F13A1: variants seen among roughly 807,000 people sequenced by gnomAD.
The protein encoded by F13A1 is FSF, A subunit.
A neutral mutation model predicts 80.1 loss-of-function variants in F13A1; 47 were observed. That is an observed-to-expected ratio of 0.59 (90% CI 0.46 to 0.75). The LOEUF (loss-of-function observed/expected upper bound fraction) is 0.75. F13A1 is among the 30% of genes least tolerant of loss of function. The probability of loss-of-function intolerance (pLI) is 0.00; values close to 1 mark genes in which losing one functional copy is unlikely to be tolerated. For missense variants in F13A1, 817 were observed against 930.4 expected, an observed-to-expected ratio of 0.88 and a Z score of 1.59; for synonymous variants, 349 against 344.9, an observed-to-expected ratio of 1.01 and a Z score of -0.13.
intron 6 of F13A1, among the ~76,000 whole-genome samples, chr6:6,240,948 C>A (rs1362599205): frequency 6.6e-6 from 1 of 151,990 alleles, no homozygotes; most frequent in Non-Finnish European, 1.5e-5. Context: ...TAATTTAGTA[C>A]TTTACTCTGT....
At chr6:6,268,670 T>C (rs571056856) in intron 3 of F13A1, among the ~76,000 whole-genome samples, 2 of 151,454 alleles carry the variant, frequency 1.3e-5, no homozygotes, top group South Asian at 2.1e-4. Flanking sequence ...CAGTAGGGGC[T>C]GGCTGAGGGG....
At chr6:6,211,444 T>C (rs1304800093) in intron 8 of F13A1, among the ~76,000 whole-genome samples, 2 of 152,242 alleles carry the variant, frequency 1.3e-5, no homozygotes, top group Non-Finnish European at 2.9e-5. Flanking sequence ...AATTGGCAAC[T>C]GCAATGCATC....
chr6:6,255,294 T>G (rs1450343324), intron 4 of F13A1, among the ~76,000 whole-genome samples: 1 of 152,136 alleles, frequency 6.6e-6, no homozygotes, highest in East Asian at 1.9e-4. Context: ...TCTAAGTGCT[T>G]TATAACAAGA....
At chr6:6,244,038 T>C (rs989969810) in intron 6 of F13A1, among the ~76,000 whole-genome samples, 12 of 152,298 alleles carry the variant, frequency 7.9e-5, no homozygotes, top group African/African-American at 2.6e-4. Flanking sequence ...AGCCTTCCCT[T>C]TTCCCCAGAA....
intron 8 of F13A1, among the ~76,000 whole-genome samples, chr6:6,201,426 G>T (rs114470685): frequency 0.011 from 1,699 of 152,272 alleles, 36 homozygotes; most frequent in African/African-American, 0.038. Flanking sequence ...TCCCAGTAGG[G>T]CTGGGCCTCC....
At chr6:6,231,889 C>T (rs1050431918) in intron 6 of F13A1, among the ~76,000 whole-genome samples, 1 of 152,238 alleles carries the variant, frequency 6.6e-6, no homozygotes, top group East Asian at 1.9e-4. Flanking sequence ...AGATAATTCA[C>T]CATTACCAAG....
At chr6:6,194,667 T>A (rs1383681254) in intron 10 of F13A1, among the ~76,000 whole-genome samples, 2 of 152,220 alleles carry the variant, frequency 1.3e-5, no homozygotes, top group Non-Finnish European at 2.9e-5. Context: ...CAAGTATTGT[T>A]GTTATTTCAT....
intron 3 of F13A1, among the ~76,000 whole-genome samples, chr6:6,293,433 C>T (rs1371777644): frequency 6.6e-6 from 1 of 152,006 alleles, no homozygotes; most frequent in African/African-American, 2.4e-5. Context: ...GTCGAGGCTG[C>T]AGGCTCAGAG....
In F13A1 at chr6:6,297,923, G is replaced by T. The variant is rs1020414140; in HGVS notation, c.319+7428C>A. On this transcript the variant is annotated intron_variant, in intron 3 of 14. Transcript: ENST00000264870. ...TCCCTCTACACACTGCTTTGAATGCGTCCCTGAGATTCTGGTGTGTTGTGT... is the reference window on the plus strand; with the variant it reads ...TCCCTCTACACACTGCTTTGAATGCTTCCCTGAGATTCTGGTGTGTTGTGT... 2.0e-5 allele frequency among the ~76,000 whole-genome samples: 3 copies of T among 149,734 alleles called. 1 individual carries two copies. The highest frequency in any genetic ancestry group is 5.1e-5 in the African/African-American group (2 of 39,262).
intron 8 of F13A1, among the ~76,000 whole-genome samples, chr6:6,205,933 T>A (rs889811981): frequency 6.6e-6 from 1 of 152,238 alleles, no homozygotes; most frequent in Admixed American, 6.5e-5. Context: ...TTCCCTTTGC[T>A]GGGTTCATTT....
rs374113663 is a variant in F13A1, at chr6:6,313,984, C to CACTT, written c.130+4550_130+4551insAAGT. ...TCTCCTGTTCTCCATTTTCTCCTTA[C>CACTT]TCTTTTTTTTTTTTGAAACGGAGTC... On this transcript the variant is annotated intron_variant, in intron 2 of 14. Transcript: ENST00000264870. Among the ~76,000 whole-genome samples, 19 of 139,344 alleles carry CACTT rather than the reference C, an allele frequency of 1.4e-4. 1 individual carries two copies. Among genetic ancestry groups the CACTT allele is most frequent in the African/African-American group, 1.6e-4 (6 of 36,404 alleles). 91.4% of individuals were successfully genotyped at this position (139,344 alleles called of 152,430 possible).
chr6:6,193,551 C>G (rs557119110), intron 10 of F13A1, among the ~76,000 whole-genome samples: 1 of 152,304 alleles, frequency 6.6e-6, no homozygotes, highest in East Asian at 1.9e-4. Context: ...GGAGCGCAGC[C>G]CATGCCAAAG....
At chr6:6,246,770 T>C (rs973180668) in intron 6 of F13A1, among the ~76,000 whole-genome samples, 2 of 152,230 alleles carry the variant, frequency 1.3e-5, no homozygotes, top group Non-Finnish European at 2.9e-5. Context: ...GATTTCTGAC[T>C]TCTGGGTGCG....
At chr6:6,288,732 G>A (rs1173805957) in intron 3 of F13A1, among the ~76,000 whole-genome samples, 1 of 152,166 alleles carries the variant, frequency 6.6e-6, no homozygotes, top group Non-Finnish European at 1.5e-5. Context: ...ACTGCCACAC[G>A]ACTTTCCAAA....
At chr6:6,166,382 A>G (rs1246550009) in intron 13 of F13A1, among the ~76,000 whole-genome samples, 1 of 152,248 alleles carries the variant, frequency 6.6e-6, no homozygotes, top group African/African-American at 2.4e-5. Context: ...ACGAGAAGCA[A>G]GGACTACCTA....
chr6:6,219,167 G>A (rs1009693959), intron 8 of F13A1, among the ~76,000 whole-genome samples: 3 of 152,142 alleles, frequency 2.0e-5, no homozygotes, highest in Non-Finnish European at 2.9e-5. Context: ...AGAGCCTGTG[G>A]AGGGAGGTAA....
intron 4 of F13A1, among the ~76,000 whole-genome samples, chr6:6,257,095 T>G (rs1757713631): frequency 1.3e-5 from 2 of 152,216 alleles, no homozygotes; most frequent in Non-Finnish European, 2.9e-5. Context: ...TGCTTCCCCC[T>G]TTATATAAAA....
intron 4 of F13A1, among the ~76,000 whole-genome samples, chr6:6,261,064 G>A (rs1247833568): frequency 6.6e-6 from 1 of 152,182 alleles, no homozygotes; most frequent in Non-Finnish European, 1.5e-5. Flanking sequence ...CGCCTCCCAG[G>A]TTCAAGCAGT....
intron 10 of F13A1, among the ~76,000 whole-genome samples, chr6:6,191,293 T>C (rs113514710): frequency 0.015 from 2,312 of 152,312 alleles, 40 homozygotes; most frequent in Middle Eastern, 0.054. Context: ...CTTGTCGGGC[T>C]GGTGGATAGA....
Sources: gnomAD v4.1 joint callset for allele counts (sites outside exome capture counted in the v4.1 genomes callset) on GRCh38, gnomAD v4.1.1 for gene constraint, MANE v1.5 for transcripts, NCBI Gene and HGNC (gene_info 2026-07-23, HGNC 2026-07-21) for gene names.